Variants in ARMCX4 observed in about 807,000 individuals in gnomAD.
ARMCX4 encodes armadillo repeat containing X-linked 4.
ARMCX4 carries 3 observed loss-of-function variants against 34.7 expected under a neutral mutation model. The ratio of observed to expected loss-of-function variants is 0.09; its 90% CI spans 0.04 to 0.22. The LOEUF (loss-of-function observed/expected upper bound fraction) is 0.22. ARMCX4 is among the 10% of genes least tolerant of loss of function. The probability of loss-of-function intolerance (pLI) is 1.00; values close to 1 mark genes in which losing one functional copy is unlikely to be tolerated. For synonymous variants in ARMCX4, 513 were observed against 632.8 expected (o/e 0.81, Z 2.84); for missense variants, 1,448 against 1,720.8 (o/e 0.84, Z 2.81).
At chrX:101,439,040 T>C (rs1227547781) in intron 2 of ARMCX4, among the ~76,000 whole-genome samples, 2 of 112,163 alleles carry the variant, frequency 1.8e-5, no homozygotes, top group African/African-American at 3.2e-5. Flanking sequence ...TTTTGCTCGT[T>C]AGTTGATGCA....
At position 101,490,692 on chromosome X, in the gene ARMCX4, G is replaced by A. The variant is rs1556008552; in HGVS notation, c.2103G>A (p.Gly701=). The A allele has an allele frequency of 1.7e-6, 2 of 1,154,333 alleles. No homozygotes were observed. Among genetic ancestry groups the A allele is most frequent in the African/African-American group, 1.8e-5 (1 of 55,882 alleles). The part of the protein sequence containing the change: ...NSNAVSKAGA[G]TDTTGSVQPQ... ...ATGCTGTGTCTAAGGCAGGGGCTGG[G>A]ACAGATACAACAGGCTCTGTCCAGC... is the stretch of plus-strand genomic sequence containing the variant. Residue 701 remains glycine, a synonymous_variant, in exon 6 of 6, where the codon GGG becomes GGA. Coordinates refer to ENST00000423738, the MANE Select transcript of ARMCX4 (RefSeq NM_001256155.3).
intron 4 of ARMCX4, among the ~76,000 whole-genome samples, chrX:101,454,401 G>A (rs1383921168): frequency 2.8e-5 from 3 of 107,869 alleles, no homozygotes; most frequent in Non-Finnish European, 3.8e-5. Context: ...TCAGCCTCCC[G>A]AGTAGCTGGG....
Position 101,525,492 on chromosome X carries a change from C to T in ARMCX4, c.*1781-6152C>T, listed in dbSNP as rs185559832. Among the ~76,000 whole-genome samples the T allele has an allele frequency of 2.7e-5, 3 of 111,796 alleles. No homozygotes were observed. The Admixed American group carries it at 2.8e-4, about 11-fold the overall frequency. On this transcript the variant is annotated intron_variant and NMD_transcript_variant, in intron 11 of 12. Transcript: ENST00000354842. ...ACTTTGACAAGTTGACAAAAGTAGG[C>T]TTCAGAAGATTGGTAATAACAAACT... is the stretch of plus-strand genomic sequence containing the variant.
At position 101,493,579 on chromosome X, in the gene ARMCX4, G is replaced by A; in HGVS notation, c.4990G>A (p.Asp1664Asn). Residue 1664 changes from aspartate to asparagine, a missense_variant, in exon 6 of 6, where the codon GAT (aspartate) becomes AAT (asparagine). Around this residue, in one of 2 missense-constraint regions of ARMCX4, gnomAD observed 1,343 missense variants for 1,540.7 expected, o/e 0.87. Transcript: ENST00000423738. ...TGACTGTTCCAAGCCTGAATTTGAG[G>A]ATCAGGCTTGTGGAGGAGGCTCCTG... ...AVDCSKPEFE[D>N]QACGGGSWAG... The A allele has an allele frequency of 8.7e-7, 1 of 1,154,408 alleles. No individual in the cohort carries two copies.
chrX:101,457,393 G>A (rs1015614613), intron 4 of ARMCX4, among the ~76,000 whole-genome samples: 1 of 111,832 alleles, frequency 8.9e-6, no homozygotes, highest in Non-Finnish European at 1.9e-5. Context: ...GGATTTGTAA[G>A]ATGGTGATAT....
chrX:101,475,152 T>A (rs1933123966), intron 4 of ARMCX4, among the ~76,000 whole-genome samples: 1 of 108,626 alleles, frequency 9.2e-6, no homozygotes. Context: ...CTATGAAAAA[T>A]AATAATAAAA....
At chrX:101,448,265 C>G (rs962682502), downstream of ARMCX4, among the ~76,000 whole-genome samples, 1 of 112,050 alleles carries the variant, frequency 8.9e-6, no homozygotes, top group African/African-American at 3.2e-5. Flanking sequence ...TAGGTTGCTT[C>G]CAAATCTTAG....
At chrX:101,514,112 T>G (rs1305450144) in intron 11 of ARMCX4, among the ~76,000 whole-genome samples, 1 of 111,453 alleles carries the variant, frequency 9.0e-6, no homozygotes, top group Non-Finnish European at 1.9e-5. Flanking sequence ...AGTGGCCTGG[T>G]GGCAGTCTTA....
chrX:101,481,069 A>G (rs1458836093), upstream of ARMCX4, among the ~76,000 whole-genome samples: 1 of 111,946 alleles, frequency 8.9e-6, no homozygotes, highest in Non-Finnish European at 1.9e-5. Flanking sequence ...GGCTGCAGTG[A>G]GCTGTGATTA....
At chrX:101,512,925 C>A (rs1934627302) in intron 11 of ARMCX4, among the ~76,000 whole-genome samples, 1 of 106,131 alleles carries the variant, frequency 9.4e-6, no homozygotes, top group African/African-American at 3.4e-5. Context: ...AAGGAGTTGG[C>A]TCACATAATG....
intron 4 of ARMCX4, among the ~76,000 whole-genome samples, chrX:101,459,631 G>A (rs782144039): frequency 1.3e-3 from 150 of 112,252 alleles, no homozygotes; most frequent in Non-Finnish European, 2.6e-3. Flanking sequence ...TTAGAGTCAC[G>A]TAAAAGGTAA....
chrX:101,464,712 G>A (rs909092683), intron 4 of ARMCX4, among the ~76,000 whole-genome samples: 4 of 111,733 alleles, frequency 3.6e-5, no homozygotes, highest in African/African-American at 1.3e-4. Context: ...CATTTGTTTG[G>A]AATGGTGCAC....
downstream of ARMCX4, among the ~76,000 whole-genome samples, chrX:101,452,226 G>A (rs1932026565): frequency 8.9e-6 from 1 of 111,913 alleles, no homozygotes; most frequent in African/African-American, 3.2e-5. Flanking sequence ...TCTAGTCTCT[G>A]ATCTTTCCTA....
intron 4 of ARMCX4, among the ~76,000 whole-genome samples, chrX:101,478,400 C>A (rs1167038352): frequency 9.0e-6 from 1 of 111,614 alleles, no homozygotes; most frequent in African/African-American, 3.2e-5. Context: ...GGGAAGATAC[C>A]ATTTCACCAG....
intron 11 of ARMCX4, among the ~76,000 whole-genome samples, chrX:101,517,263 AT>A (rs1160605014): frequency 1.3e-4 from 15 of 112,628 alleles, no homozygotes. Context: ...AAAGGAAAAT[AT>A]GGGCTAAATA....
chrX:101,495,357 A>G lies in ARMCX4; in HGVS notation c.6768A>G (p.Leu2256=), dbSNP rs782676214. The G allele has an allele frequency of 4.3e-6, 5 of 1,154,535 alleles. No individual in the cohort carries two copies. Among genetic ancestry groups the G allele is most frequent in the Non-Finnish European group, 5.7e-6 (5 of 871,973 alleles). The change falls in exon 6 of 6, where the codon CTA becomes CTG. Residue 2256 remains leucine (L), a synonymous_variant. Transcript: ENST00000423738. ...DKFSKNSLYF[L]FQRPKACAKK... is the part of the protein sequence containing the mutation. ...TCAGTAAAAATTCCCTTTATTTCCT[A>G]TTCCAACGACCTAAAGCATGTGCCA... is the stretch of plus-strand genomic sequence containing the variant.
downstream of ARMCX4, among the ~76,000 whole-genome samples, chrX:101,497,007 C>T (rs1454650620): frequency 1.8e-5 from 2 of 111,989 alleles, no homozygotes; most frequent in Non-Finnish European, 3.8e-5. Context: ...TATGTCTACA[C>T]ATTTAAATAT....
intron 4 of ARMCX4, among the ~76,000 whole-genome samples, chrX:101,474,371 C>T (rs1383622203): frequency 1.8e-5 from 2 of 109,807 alleles, no homozygotes; most frequent in Admixed American, 9.8e-5. Flanking sequence ...GCCGAATTCT[C>T]TCAGAGGTAC....
chrX:101,515,625 G>A (rs1886546350), intron 11 of ARMCX4, among the ~76,000 whole-genome samples: 2 of 103,967 alleles, frequency 1.9e-5, no homozygotes, highest in Admixed American at 1.1e-4. Context: ...TGCTACCTCC[G>A]CCTCCTAGGT....
Sources: gnomAD v4.1 joint callset for allele counts (sites outside exome capture counted in the v4.1 genomes callset) on GRCh38, gnomAD v4.1.1 for gene constraint, gnomAD v4.1.1 regional missense constraint, MANE v1.5 for transcripts, NCBI Gene and HGNC (gene_info 2026-07-23, HGNC 2026-07-21) for gene names.